The following AXIN1 variants were observed in gnomAD, a reference collection of about 807,000 sequenced individuals.
AXIN1 encodes axin-1.
AXIN1 carries 30 observed loss-of-function variants against 76.4 expected under a neutral mutation model. The observed-to-expected ratio is 0.39, with a 90% CI of 0.29 to 0.53. AXIN1 has a LOEUF of 0.53. Among genes scored for constraint, AXIN1 ranks in the 20% least tolerant of loss-of-function variants. The pLI is 0.66. For synonymous variants in AXIN1, 545 were observed against 501.4 expected, an observed-to-expected ratio of 1.09 and a Z score of -1.16; for missense variants, 1,140 against 1,198.8, an observed-to-expected ratio of 0.95 and a Z score of 0.72.
At chr16:328,161 G>C (rs1034263945) in intron 2 of AXIN1, among the ~76,000 whole-genome samples, 1 of 152,196 alleles carries the variant, frequency 6.6e-6, no homozygotes, top group Admixed American at 6.5e-5. Context: ...GGAGGCTGAG[G>C]TAGATGGATC....
intron 2 of AXIN1, among the ~76,000 whole-genome samples, chr16:343,660 A>C (rs1185202657): frequency 2.0e-5 from 3 of 150,194 alleles, no homozygotes; most frequent in Admixed American, 6.6e-5. Flanking sequence ...CTGAGATTGC[A>C]CTACTGCACT....
chr16:313,130 C>T (rs375613639), intron 3 of AXIN1, among the ~76,000 whole-genome samples: 3 of 152,176 alleles, frequency 2.0e-5, no homozygotes, highest in East Asian at 1.9e-4. Context: ...AGTGAGGCCT[C>T]GTCTCCACAA....
At chr16:344,671 T>A (rs2141695010) in intron 2 of AXIN1, among the ~76,000 whole-genome samples, 1 of 152,038 alleles carries the variant, frequency 6.6e-6, no homozygotes, top group South Asian at 2.1e-4. Flanking sequence ...GTATTTTTAG[T>A]AGAAATGAGG....
At chr16:300,209 T>C (rs1001281559) in intron 5 of AXIN1, among the ~76,000 whole-genome samples, 5 of 152,130 alleles carry the variant, frequency 3.3e-5, no homozygotes, top group Admixed American at 1.3e-4. Context: ...CCCAAAGTGC[T>C]AGGATTACAG....
In AXIN1 at chr16:287,858, G is replaced by GA; in HGVS notation, c.*263dup. 1.8e-6 allele frequency: 1 copy of GA among 563,832 alleles called. No homozygotes were observed. The highest frequency in any genetic ancestry group is 3.2e-6 in the Non-Finnish European group (1 of 314,068). 34.9% of individuals were successfully genotyped at this position (563,832 alleles called of 1,614,324 possible). A position where few individuals can be genotyped will look rare whatever the true frequency, so the allele number is the denominator to read the frequency against. ...GGGGTCACCTGAAGCTGGCAGCAGG[G>GA]ACCTCGGCTGCCTCACTTGGGCTGG... On this transcript the variant is annotated 3_prime_UTR_variant, in exon 11 of 11. Coordinates refer to ENST00000262320, the MANE Select transcript of AXIN1 (RefSeq NM_003502.4).
intron 5 of AXIN1, chr16:299,192 T>C: frequency 1.0e-6 from 1 of 985,430 alleles, no homozygotes; most frequent in Non-Finnish European, 1.2e-6. Flanking sequence ...AGTTAACAGG[T>C]GCTGAAGCTT....
intron 5 of AXIN1, among the ~76,000 whole-genome samples, chr16:303,492 C>T (rs1467125547): frequency 6.6e-6 from 1 of 151,908 alleles, no homozygotes; most frequent in Non-Finnish European, 1.5e-5. Context: ...AGCGATTCTC[C>T]AGCCTCAGCC....
At chr16:298,438 G>A (rs1019514911) in intron 5 of AXIN1, among the ~76,000 whole-genome samples, 187 bp from the exon 6 acceptor site, 8 of 152,238 alleles carry the variant, frequency 5.3e-5, no homozygotes, top group African/African-American at 1.7e-4. Flanking sequence ...CAGAAGGAGC[G>A]GAGACAGCAA....
intron 7 of AXIN1, among the ~76,000 whole-genome samples, chr16:294,319 C>G (rs776327967): frequency 1.3e-5 from 2 of 149,616 alleles, no homozygotes; most frequent in Non-Finnish European, 3.0e-5. Flanking sequence ...AAAAATTACC[C>G]AAGTGTGGTG....
intron 2 of AXIN1, among the ~76,000 whole-genome samples, chr16:318,709 C>G (rs1031854571): frequency 3.3e-5 from 5 of 152,350 alleles, no homozygotes; most frequent in Admixed American, 2.6e-4. Flanking sequence ...TGTGCATGCC[C>G]ACGTATCCAT....
chr16:329,701 G>A (rs1434023583), intron 2 of AXIN1, among the ~76,000 whole-genome samples: 1 of 152,008 alleles, frequency 6.6e-6, no homozygotes, highest in East Asian at 1.9e-4. Context: ...TTGGCTCACT[G>A]CAAGCTCCGC....
chr16:310,215 G>A, intron 3 of AXIN1, 146 bp from the exon 4 acceptor site: 1 of 718,110 alleles, frequency 1.4e-6, no homozygotes, highest in Admixed American at 2.0e-5. Flanking sequence ...CGTGCACACA[G>A]GTGATGCAGG....
Position 297,931 on chromosome 16 carries a change from G to A in AXIN1, c.1575C>T (p.Asp525=), listed in dbSNP as rs1805102. ...GTCGGTGGTGGTGCAGGCCGGCCGCGTCCAGCTTCGCCCCTGACTTGGGTA... is the reference window on the plus strand; with the variant it reads ...GTCGGTGGTGGTGCAGGCCGGCCGCATCCAGCTTCGCCCCTGACTTGGGTA... ...KHVPKSGAKL[D]AAGLHHHRHV... The change falls in exon 6 of 11, where the codon GAC becomes GAT. Residue 525 remains aspartate, a synonymous_variant. Transcript: ENST00000262320. The A allele has an allele frequency of 2.5e-3, 4,076 of 1,600,536 alleles. 130 individuals are homozygous for A. In the Admixed American group the frequency reaches 0.055, roughly 22 times the overall value.
rs1238974955 is a variant in AXIN1 at position 298,067 on chromosome 16, C to T, written c.1439G>A (p.Arg480Lys). ...CCCAGGCGACTGGCGGCCAGGTGTCCTCAGCACACGCTGTACGTGCTCGTC... is the reference window on the plus strand; with the variant it reads ...CCCAGGCGACTGGCGGCCAGGTGTCTTCAGCACACGCTGTACGTGCTCGTC... ...ILDEHVQRVL[R>K]TPGRQSPGPG... The change falls in exon 6 of 11, where the codon AGG (arginine) becomes AAG (lysine). Residue 480 changes from arginine (R) to lysine (K), a missense_variant. Coordinates refer to ENST00000262320, the MANE Select transcript of AXIN1 (RefSeq NM_003502.4). 1 of 1,570,272 alleles carries T rather than the reference C, an allele frequency of 6.4e-7. No homozygotes were observed. The highest frequency in any genetic ancestry group is 1.1e-5 in the South Asian group (1 of 86,994).
intron 2 of AXIN1, among the ~76,000 whole-genome samples, chr16:320,987 C>T (rs2053442026): frequency 1.3e-5 from 2 of 152,090 alleles, no homozygotes; most frequent in African/African-American, 4.8e-5. Context: ...ATCTGCCCGC[C>T]TCGGCCTCCC....
chr16:298,042 C>A lies in AXIN1; in HGVS notation c.1464G>T (p.Gly488=), dbSNP rs1805103. The stretch of plus-strand genomic sequence containing the variant: ...CACTGTCCGGGGAGCGATGGCCAGG[C>A]CCAGGCGACTGGCGGCCAGGTGTCC... ...VLRTPGRQSP[G]PGHRSPDSGH... is the part of the protein sequence containing the mutation. Residue 488 remains glycine (G), a synonymous_variant, in exon 6 of 11, where the codon GGG becomes GGT. Transcript: ENST00000262320. 7.9e-3 allele frequency: 12,549 copies of A among 1,586,224 alleles called. 547 individuals are homozygous for A. In the African/African-American group the frequency reaches 0.11, roughly 14 times the overall value.
At chr16:296,960 T>G (rs2052726770) in intron 7 of AXIN1, 96 bp downstream of exon 7, 16 of 1,449,308 alleles carry the variant, frequency 1.1e-5, no homozygotes, top group Non-Finnish European at 1.5e-5. Context: ...CAGGCGACAC[T>G]CGCCACACAC....
rs552216279 is a variant in AXIN1 at position 318,496 on chromosome 16, G to T, written c.879-3813C>A. ...CAGGATCTGCCCTCAGCACTCAGAT[G>T]GCTCCTGTACCTGAAGACACAGGCG... On this transcript the variant is annotated intron_variant, in intron 2 of 10. Coordinates refer to ENST00000262320, the MANE Select transcript of AXIN1 (RefSeq NM_003502.4). Among the ~76,000 whole-genome samples the T allele has an allele frequency of 4.6e-5, 7 of 152,330 alleles. No homozygotes were observed. In the South Asian group the frequency reaches 1.4e-3, roughly 32 times the overall value.
intron 7 of AXIN1, among the ~76,000 whole-genome samples, chr16:296,163 G>A (rs1439538747): frequency 2.0e-5 from 3 of 152,236 alleles, no homozygotes; most frequent in Non-Finnish European, 2.9e-5. Context: ...GAAAAACGAT[G>A]AGCCCGTCCC....
Sources: gnomAD v4.1 joint callset for allele counts (sites outside exome capture counted in the v4.1 genomes callset) on GRCh38, gnomAD v4.1.1 for gene constraint, MANE v1.5 for transcripts, NCBI Gene and HGNC (gene_info 2026-07-23, HGNC 2026-07-21) for gene names.